Variants in TIGIT observed in about 807,000 individuals in gnomAD.
TIGIT encodes T-cell immunoreceptor with Ig and ITIM domains.
A neutral mutation model predicts 19.6 loss-of-function variants in TIGIT; 11 were observed. That is an observed-to-expected ratio of 0.56 (90% CI 0.35 to 0.93). The LOEUF (loss-of-function observed/expected upper bound fraction) is 0.93, where lower values mean the gene tolerates loss of function less well. Ranked by LOEUF, TIGIT falls within the 40% of genes least tolerant of loss-of-function variation. The pLI is 0.01. For missense variants in TIGIT, 295 were observed against 303.9 expected, an observed-to-expected ratio of 0.97 and a Z score of 0.22; for synonymous variants, 130 against 125.5, an observed-to-expected ratio of 1.04 and a Z score of -0.24.
Position 114,295,888 on chromosome 3 carries a change from A to T in TIGIT, c.391+14A>T. On this transcript the variant is annotated intron_variant, in intron 2 of 3. Coordinates refer to ENST00000383671, the MANE Select transcript of TIGIT (RefSeq NM_173799.4). ...TAGAAAGCTCAGGTATTCCTGCTGG[A>T]GCAAGTTGGTGGATAAACCTCTCCC... 6.3e-7 allele frequency: 1 copy of T among 1,580,830 alleles called. No homozygotes were observed. The highest frequency in any genetic ancestry group is 8.6e-7 in the Non-Finnish European group (1 of 1,158,662).
intron 1 of TIGIT, 25 bp from the exon 2 acceptor site, chr3:114,295,520 A>G: frequency 1.3e-6 from 2 of 1,589,582 alleles, no homozygotes; most frequent in Non-Finnish European, 1.7e-6. Flanking sequence ...CCCAGGACTC[A>G]CATGTGCTTC....
rs369133784 is a variant in TIGIT, at chr3:114,299,647, G to A, written c.442G>A (p.Ala148Thr). ...FQIPLLGAMA[A>T]TLVVICTAVI... ...GATTCCATTGCTTGGAGCCATGGCC[G>A]CGACGCTGGTGGTCATCTGCACAGC... The change falls in exon 3 of 4, where the codon GCG becomes ACG. Residue 148 changes from alanine (A) to threonine (T), a missense_variant. Transcript: ENST00000383671. The A allele has an allele frequency of 9.2e-5, 149 of 1,613,230 alleles. No homozygotes were observed. Among genetic ancestry groups the A allele is most frequent in the Middle Eastern group, 1.6e-4 (1 of 6,084 alleles).
chr3:114,306,642 T>C lies in TIGIT; in HGVS notation c.499-1253T>C, dbSNP rs2078536948. On this transcript the variant is annotated intron_variant, in intron 3 of 3. Transcript: ENST00000383671. ...AAAACTTCAGTCAAATAATAATTAA[T>C]GTAAGGCACTTAGCATTTTTCCTAG... Among the ~76,000 whole-genome samples the C allele has an allele frequency of 2.0e-5, 3 of 152,176 alleles. No homozygotes were observed. The South Asian group carries it at 6.2e-4, about 31-fold the overall frequency.
chr3:114,308,075 A>C lies in TIGIT; in HGVS notation c.679A>C (p.Asn227His). The C allele has an allele frequency of 6.2e-7, 1 of 1,614,150 alleles. No homozygotes were observed. Among genetic ancestry groups the C allele is most frequent in the Non-Finnish European group, 8.5e-7 (1 of 1,180,018 alleles). Residue 227 changes from asparagine (N) to histidine (H), a missense_variant, in exon 4 of 4, where the codon AAT (asparagine) becomes CAT (histidine). Asn to His is a moderately conservative substitution (Grantham distance 68, BLOSUM62 1). Transcript: ENST00000383671. Reference protein sequence around the residue: ...EDCAELHDYFNVLSYRSLGNC... With the variant: ...EDCAELHDYFHVLSYRSLGNC... ...CTGTGCCGAGCTGCATGACTACTTC[A>C]ATGTCCTGAGTTACAGAAGCCTGGG... is the stretch of plus-strand genomic sequence containing the variant.
At chr3:114,296,893 T>A (rs1420204415) in intron 2 of TIGIT, among the ~76,000 whole-genome samples, 16 of 71,968 alleles carry the variant, frequency 2.2e-4, no homozygotes, top group African/African-American at 1.1e-3. Flanking sequence ...GTTACTTCTT[T>A]TTTTTTTTTT....
intron 2 of TIGIT, among the ~76,000 whole-genome samples, chr3:114,299,206 T>G (rs1039523): frequency 6.6e-6 from 1 of 152,116 alleles, no homozygotes; most frequent in Non-Finnish European, 1.5e-5. Context: ...ATTTTAATTT[T>G]GAATTAAATA....
Position 114,307,916 on chromosome 3 carries a change from T to C in TIGIT, c.520T>C (p.Ser174Pro). Reference protein sequence around the residue: ...TRKKKALRIHSVEGDLRRKSA... With the variant: ...TRKKKALRIHPVEGDLRRKSA... The stretch of plus-strand genomic sequence containing the variant: ...TTAGAAGAAAGCCCTCAGAATCCAT[T>C]CTGTGGAAGGTGACCTCAGGAGAAA... The change falls in exon 4 of 4, where the codon TCT (serine) becomes CCT (proline). Residue 174 changes from serine to proline, a missense_variant. By Grantham distance (74) the Ser-to-Pro change is moderately conservative (BLOSUM62 -1). Transcript: ENST00000383671. 1 of 1,614,142 alleles carries C rather than the reference T, an allele frequency of 6.2e-7. No homozygotes were observed. Among genetic ancestry groups the C allele is most frequent in the Non-Finnish European group, 8.5e-7 (1 of 1,180,028 alleles).
Position 114,307,876 on chromosome 3 carries a change from G to A in TIGIT, c.499-19G>A. 1 of 1,603,282 alleles carries A rather than the reference G, an allele frequency of 6.2e-7. No homozygotes were observed. The highest frequency in any genetic ancestry group is 8.5e-7 in the Non-Finnish European group (1 of 1,170,222). The stretch of plus-strand genomic sequence containing the variant: ...AATAACATCCCCACATACTCACTTT[G>A]TAGTTTGTTTGTTTTTAGAAGAAAG... On this transcript the variant is annotated intron_variant, in intron 3 of 3. Transcript: ENST00000383671.
At chr3:114,298,132 A>AC (rs2078466985) in intron 2 of TIGIT, among the ~76,000 whole-genome samples, 1 of 152,116 alleles carries the variant, frequency 6.6e-6, no homozygotes, top group Non-Finnish European at 1.5e-5. Flanking sequence ...GTTTTAAGTA[A>AC]CCCTTATACA....
rs904037959 is a variant in TIGIT, at chr3:114,308,495, G to A, written c.*364G>A. The A allele has an allele frequency of 3.7e-5, 7 of 191,170 alleles. No individual in the cohort carries two copies. Among genetic ancestry groups the A allele is most frequent in the Admixed American group, 1.7e-4 (3 of 17,548 alleles). 11.8% of individuals were successfully genotyped at this position (191,170 alleles called of 1,614,324 possible). On this transcript the variant is annotated 3_prime_UTR_variant, in exon 4 of 4. Coordinates refer to ENST00000383671, the MANE Select transcript of TIGIT (RefSeq NM_173799.4). ...TACAAGGTTTTGTGGTTGATGATGAGGATGGCATGACTGCAGAGCCATCCT... is the reference window on the plus strand; with the variant it reads ...TACAAGGTTTTGTGGTTGATGATGAAGATGGCATGACTGCAGAGCCATCCT...
chr3:114,294,187 G>T, intron 1 of TIGIT, 65 bp downstream of exon 1: 2 of 1,355,858 alleles, frequency 1.5e-6, no homozygotes, highest in Non-Finnish European at 2.0e-6. Flanking sequence ...TTGGAGACTT[G>T]GGTGCTTGTG....
Position 114,307,898 on chromosome 3 carries a change from A to G in TIGIT, c.502A>G (p.Lys168Glu). The change falls in exon 4 of 4, where the codon AAA (lysine) becomes GAA (glutamate). Residue 168 changes from lysine (K) to glutamate (E), a missense_variant. Lys to Glu is a moderately conservative substitution (Grantham distance 56, BLOSUM62 1). Transcript: ENST00000383671. ...IVVVALTRKKKALRIHSVEGD... is the reference protein window; with the variant it reads ...IVVVALTRKKEALRIHSVEGD... Reference sequence around the variant, plus strand: ...TTTGTAGTTTGTTTGTTTTTAGAAGAAAGCCCTCAGAATCCATTCTGTGGA... The same window carrying G: ...TTTGTAGTTTGTTTGTTTTTAGAAGGAAGCCCTCAGAATCCATTCTGTGGA... 1 of 1,613,722 alleles carries G rather than the reference A, an allele frequency of 6.2e-7. No homozygotes were observed. The highest frequency in any genetic ancestry group is 8.5e-7 in the Non-Finnish European group (1 of 1,179,680).
chr3:114,296,744 C>T (rs1560031472), intron 2 of TIGIT, among the ~76,000 whole-genome samples: 1 of 152,156 alleles, frequency 6.6e-6, no homozygotes, highest in Non-Finnish European at 1.5e-5. Flanking sequence ...GATTTTAACA[C>T]AGATGTTTTT....
chr3:114,303,034 C>T (rs931516922), intron 3 of TIGIT, among the ~76,000 whole-genome samples: 1 of 152,032 alleles, frequency 6.6e-6, no homozygotes, highest in African/African-American at 2.4e-5. Flanking sequence ...TGACTCTGTT[C>T]CAACAAACCT....
In TIGIT at chr3:114,299,622, G is replaced by C. The variant is rs149263615; in HGVS notation, c.417G>C (p.Gln139His). 4.2e-4 allele frequency: 684 copies of C among 1,613,488 alleles called. 13 individuals are homozygous for C. In the South Asian group the frequency reaches 7.0e-3, roughly 16 times the overall value. The change falls in exon 3 of 4, where the codon CAG (glutamine) becomes CAC (histidine). Residue 139 changes from glutamine (Q) to histidine (H), a missense_variant. Coordinates refer to ENST00000383671, the MANE Select transcript of TIGIT (RefSeq NM_173799.4). ...SSVAEHGARF[Q>H]IPLLGAMAAT... Reference sequence around the variant, plus strand: ...TGGCTGAGCACGGTGCCAGGTTCCAGATTCCATTGCTTGGAGCCATGGCCG... The same window carrying C: ...TGGCTGAGCACGGTGCCAGGTTCCACATTCCATTGCTTGGAGCCATGGCCG...
intron 3 of TIGIT, chr3:114,307,689 T>C: frequency 1.7e-6 from 1 of 575,648 alleles, no homozygotes; most frequent in Non-Finnish European, 3.1e-6. Context: ...GTGGTATATG[T>C]AGTAAGTGCA....
chr3:114,307,738 C>T (rs571876105), intron 3 of TIGIT, 157 bp from the exon 4 acceptor site: 46 of 667,330 alleles, frequency 6.9e-5, no homozygotes, highest in Middle Eastern at 3.9e-4. Context: ...CTAGCTGTAA[C>T]GCGGTTGAGA....
chr3:114,300,602 GC>G (rs2078486566), intron 3 of TIGIT, among the ~76,000 whole-genome samples: 1 of 152,004 alleles, frequency 6.6e-6, no homozygotes, highest in African/African-American at 2.4e-5. Flanking sequence ...ATTTTCTGCC[GC>G]TGTAACAGAA....
At chr3:114,303,827 T>C (rs996359657) in intron 3 of TIGIT, among the ~76,000 whole-genome samples, 1 of 152,054 alleles carries the variant, frequency 6.6e-6, no homozygotes, top group Admixed American at 6.6e-5. Flanking sequence ...TTTAGTTCCT[T>C]AAGGAATCTC....
Sources: allele counts gnomAD v4.1 joint callset (sites outside exome capture counted in the v4.1 genomes callset), GRCh38; gene constraint gnomAD v4.1.1; transcripts MANE v1.5; gene names NCBI Gene and HGNC (gene_info 2026-07-23, HGNC 2026-07-21).